Variants in ADAMTS17 observed in about 807,000 individuals in gnomAD.
ADAMTS17 encodes ADAM metallopeptidase with thrombospondin type 1 motif 17, also known as A disintegrin and metalloproteinase with thrombospondin motifs 17.
ADAMTS17 carries 113 observed loss-of-function variants against 141.5 expected under a neutral mutation model. The observed-to-expected ratio is 0.80, with a 90% CI of 0.69 to 0.93. ADAMTS17 has a LOEUF of 0.93. Ranked by LOEUF, ADAMTS17 falls within the 40% of genes least tolerant of loss-of-function variation. The pLI is 0.00. For synonymous variants in ADAMTS17, 768 were observed against 630.6 expected (o/e 1.22, Z -3.27); for missense variants, 1,659 against 1,517.9 (o/e 1.09, Z -1.54).
chr15:100,334,879 A>G (rs749646082), intron 2 of ADAMTS17, among the ~76,000 whole-genome samples: 1 of 152,172 alleles, frequency 6.6e-6, no homozygotes, highest in Non-Finnish European at 1.5e-5. Flanking sequence ...CCTGCCCTTC[A>G]GAGTCCCTCT....
At chr15:100,084,049 C>T (rs542565815) in intron 15 of ADAMTS17, among the ~76,000 whole-genome samples, 1 of 152,160 alleles carries the variant, frequency 6.6e-6, no homozygotes, top group Admixed American at 6.5e-5. Context: ...TGAGGCATCA[C>T]CTCACCCGGG....
intron 8 of ADAMTS17, among the ~76,000 whole-genome samples, chr15:100,184,985 C>G (rs925092315): frequency 6.6e-6 from 1 of 152,212 alleles, no homozygotes; most frequent in Non-Finnish European, 1.5e-5. Context: ...CAGACATGCT[C>G]CTCAGTGACC....
Position 100,262,382 on chromosome 15 carries a change from C to A in ADAMTS17, c.843G>T (p.Val281=), listed in dbSNP as rs1273214624. 6.2e-7 allele frequency: 1 copy of A among 1,613,798 alleles called. No homozygotes were observed. Among genetic ancestry groups the A allele is most frequent in the African/African-American group, 1.3e-5 (1 of 74,860 alleles). ...GTTGTCGTAGCAGGACAAGCTTGGT[C>A]ACTTGAATGTTAATTTTAATCCCCA... ...QSLGIKINIQ[V]TKLVLLRQRP... Residue 281 remains valine, a synonymous_variant, in exon 5 of 22, where the codon GTG becomes GTT. Coordinates refer to ENST00000268070, the MANE Select transcript of ADAMTS17 (RefSeq NM_139057.4).
intron 7 of ADAMTS17, among the ~76,000 whole-genome samples, chr15:100,201,107 T>A (rs1444748112): frequency 6.6e-6 from 1 of 152,178 alleles, no homozygotes; most frequent in African/African-American, 2.4e-5. Flanking sequence ...GATGTCCAAA[T>A]CAAACTGGTG....
chr15:100,107,371 C>T lies in ADAMTS17; in HGVS notation c.2016+1618G>A, dbSNP rs1348837616. Reference sequence around the variant, plus strand: ...TGAGGGCAACGCATGGTGATCCTGACACTGATCTGCCTGCTCCAGACATCA... The same window carrying T: ...TGAGGGCAACGCATGGTGATCCTGATACTGATCTGCCTGCTCCAGACATCA... On this transcript the variant is annotated intron_variant, in intron 14 of 21. Coordinates refer to ENST00000268070, the MANE Select transcript of ADAMTS17 (RefSeq NM_139057.4). 2.6e-5 allele frequency among the ~76,000 whole-genome samples: 4 copies of T among 152,258 alleles called. No homozygotes were observed. In the South Asian group the frequency reaches 8.3e-4, roughly 32 times the overall value.
chr15:100,030,280 C>A (rs1264918793), intron 18 of ADAMTS17, among the ~76,000 whole-genome samples: 3 of 152,208 alleles, frequency 2.0e-5, no homozygotes, highest in Admixed American at 1.3e-4. Flanking sequence ...ACGTTCATTA[C>A]CTCCTCAGTG....
chr15:100,169,418 G>A (rs1192269805), intron 8 of ADAMTS17, among the ~76,000 whole-genome samples: 3 of 152,208 alleles, frequency 2.0e-5, no homozygotes, highest in Admixed American at 2.0e-4. Flanking sequence ...CAAGTGGGGA[G>A]TACCTGGGAA....
chr15:100,186,961 C>T (rs182207154), intron 8 of ADAMTS17, among the ~76,000 whole-genome samples: 27 of 152,316 alleles, frequency 1.8e-4, no homozygotes, highest in African/African-American at 6.0e-4. Flanking sequence ...TAGTCTTTGG[C>T]ATTCCTTCCC....
rs75700441 is a variant in ADAMTS17, at chr15:100,160,391, T to C, written c.1182-5071A>G. The stretch of plus-strand genomic sequence containing the variant: ...AGCTACCAGAAGGGTTTTTCAAACA[T>C]GGATGTTGCTTGGAAAACCACAATG... On this transcript the variant is annotated intron_variant, in intron 8 of 21. Coordinates refer to ENST00000268070, the MANE Select transcript of ADAMTS17 (RefSeq NM_139057.4). Among the ~76,000 whole-genome samples, 1,031 of 152,284 alleles carry C rather than the reference T, an allele frequency of 6.8e-3. 16 individuals are homozygous for C. The highest frequency in any genetic ancestry group is 0.023 in the African/African-American group (971 of 41,574).
At chr15:100,149,520 C>T (rs1417394736) in intron 10 of ADAMTS17, among the ~76,000 whole-genome samples, 2 of 152,218 alleles carry the variant, frequency 1.3e-5, no homozygotes, top group Non-Finnish European at 2.9e-5. Flanking sequence ...TGAGTCACCC[C>T]TGGTCACCTG....
At chr15:100,046,370 G>A (rs973603098) in intron 18 of ADAMTS17, among the ~76,000 whole-genome samples, 1 of 152,176 alleles carries the variant, frequency 6.6e-6, no homozygotes, top group African/African-American at 2.4e-5. Flanking sequence ...AGGCGGAGTA[G>A]ACTGGCCCAC....
At chr15:100,182,423 A>G (rs980382929) in intron 8 of ADAMTS17, among the ~76,000 whole-genome samples, 1 of 152,176 alleles carries the variant, frequency 6.6e-6, no homozygotes, top group Non-Finnish European at 1.5e-5. Context: ...GATCCAAACC[A>G]TATCACACTG....
At chr15:100,058,655 G>A (rs1300472271) in intron 15 of ADAMTS17, among the ~76,000 whole-genome samples, 4 of 152,158 alleles carry the variant, frequency 2.6e-5, no homozygotes, top group Admixed American at 6.5e-5. Flanking sequence ...TCGGAGGCCC[G>A]ACACTGGGCG....
At chr15:100,267,122 C>T (rs1299762254) in intron 4 of ADAMTS17, among the ~76,000 whole-genome samples, 1 of 152,120 alleles carries the variant, frequency 6.6e-6, no homozygotes, top group African/African-American at 2.4e-5. Flanking sequence ...TCCTCCAATA[C>T]CGAAGCTCTA....
In ADAMTS17 at chr15:100,005,579, G is replaced by A. The variant is rs771749037; in HGVS notation, c.2592-7990C>T. On this transcript the variant is annotated intron_variant, in intron 18 of 21. Coordinates refer to ENST00000268070, the MANE Select transcript of ADAMTS17 (RefSeq NM_139057.4). ...CTTCTGCCTCATCTCCTACCTGGAA[G>A]GACCCTTGTGATGACCCCAGACTCA... is the stretch of plus-strand genomic sequence containing the variant. Among the ~76,000 whole-genome samples the A allele has an allele frequency of 3.9e-5, 6 of 152,114 alleles. No homozygotes were observed. The East Asian group carries it at 5.8e-4, about 15-fold the overall frequency.
chr15:100,146,543 T>C (rs2141318664), intron 10 of ADAMTS17, among the ~76,000 whole-genome samples: 2 of 152,330 alleles, frequency 1.3e-5, no homozygotes, highest in Middle Eastern at 3.4e-3. Flanking sequence ...ACTGCACAAA[T>C]TGTACAGCAT....
At chr15:100,231,220 C>T (rs1290011922) in intron 7 of ADAMTS17, among the ~76,000 whole-genome samples, 1 of 152,214 alleles carries the variant, frequency 6.6e-6, no homozygotes, top group African/African-American at 2.4e-5. Flanking sequence ...AAATTCTGAA[C>T]TCATGCCATT....
intron 18 of ADAMTS17, among the ~76,000 whole-genome samples, chr15:100,032,832 C>T (rs940665684): frequency 6.6e-5 from 10 of 152,180 alleles, no homozygotes; most frequent in Non-Finnish European, 8.8e-5. Flanking sequence ...GTGAATACGT[C>T]GACTTTCCAG....
intron 20 of ADAMTS17, chr15:99,976,551 T>C (rs370908332): frequency 2.0e-6 from 1 of 492,192 alleles, no homozygotes; most frequent in East Asian, 3.8e-5. Context: ...ATGGAATACA[T>C]GTTTGTGTCT....
Sources: gnomAD v4.1 joint callset for allele counts (sites outside exome capture counted in the v4.1 genomes callset) on GRCh38, gnomAD v4.1.1 for gene constraint, MANE v1.5 for transcripts, NCBI Gene and HGNC (gene_info 2026-07-23, HGNC 2026-07-21) for gene names.